NWD2: variants seen among roughly 807,000 people sequenced by gnomAD.
The protein encoded by NWD2 is NACHT and WD repeat domain containing 2.
A neutral mutation model predicts 132.7 loss-of-function variants in NWD2; 37 were observed. That is an observed-to-expected ratio of 0.28 (90% CI 0.21 to 0.37). The LOEUF (loss-of-function observed/expected upper bound fraction) is 0.37, where lower values mean the gene tolerates loss of function less well. NWD2 is among the 10% of genes least tolerant of loss of function. The probability of loss-of-function intolerance (pLI) is 1.00; values close to 1 mark genes in which losing one functional copy is unlikely to be tolerated. For synonymous variants in NWD2, 705 were observed against 803.0 expected (o/e 0.88, Z 2.06); for missense variants, 1,592 against 2,122.4 (o/e 0.75, Z 4.91).
At chr4:37,258,738 A>G (rs545718127) in intron 1 of NWD2, among the ~76,000 whole-genome samples, 2 of 152,290 alleles carry the variant, frequency 1.3e-5, no homozygotes, top group South Asian at 4.2e-4. Context: ...AGAAGAGGAA[A>G]TATGGGGCTC....
At chr4:37,357,372 G>A (rs746482543) in intron 3 of NWD2, among the ~76,000 whole-genome samples, 2 of 152,124 alleles carry the variant, frequency 1.3e-5, no homozygotes, top group Admixed American at 6.5e-5. Context: ...ATTTGGCTCC[G>A]CATAGGATTA....
chr4:37,306,109 A>AT (rs1204582402), intron 1 of NWD2, among the ~76,000 whole-genome samples: 1 of 151,630 alleles, frequency 6.6e-6, no homozygotes. Flanking sequence ...TTTTTTGTAG[A>AT]TTTTCCATTT....
intron 3 of NWD2, among the ~76,000 whole-genome samples, chr4:37,397,024 A>ACT (rs1720804668): frequency 1.3e-5 from 1 of 77,806 alleles, no homozygotes; most frequent in Non-Finnish European, 3.0e-5. Context: ...CAAGAGTGAA[A>ACT]CTCTGTTGCA....
chr4:37,335,017 C>G (rs1251302260), intron 2 of NWD2, among the ~76,000 whole-genome samples: 1 of 152,036 alleles, frequency 6.6e-6, no homozygotes, highest in African/African-American at 2.4e-5. Flanking sequence ...CTCCCTAATA[C>G]CAAACTCTTA....
intron 3 of NWD2, among the ~76,000 whole-genome samples, chr4:37,419,814 G>A (rs930464114): frequency 6.6e-6 from 1 of 152,144 alleles, no homozygotes; most frequent in African/African-American, 2.4e-5. Flanking sequence ...ATTAACACTG[G>A]TAAATCAAAC....
At position 37,444,983 on chromosome 4, in the gene NWD2, C is replaced by G. The variant is rs1050006245; in HGVS notation, c.2995C>G (p.Arg999Gly). The G allele has an allele frequency of 2.6e-6, 4 of 1,551,860 alleles. No individual in the cohort carries two copies. The African/African-American group carries it at 5.5e-5, about 21-fold the overall frequency. The change falls in exon 7 of 7, where the codon CGA becomes GGA. Residue 999 changes from arginine to glycine, a missense_variant. Arg to Gly is a moderately radical substitution (Grantham distance 125). Around this residue, in one of 7 missense-constraint regions of NWD2, gnomAD observed 1,071 missense variants for 1,398.0 expected, o/e 0.77. Coordinates refer to ENST00000309447, the MANE Select transcript of NWD2 (RefSeq NM_001144990.2). The surrounding 1 kb of genome is among the most constrained non-coding windows in gnomAD (Gnocchi z 4.8). ...GSISTWDVET[R>G]QLLRQITTAQ... ...CATCAGCACCTGGGATGTAGAGACT[C>G]GACAGCTACTCAGGCAAATCACCAC...
At chr4:37,432,717 A>T (rs1043462223) in intron 4 of NWD2, among the ~76,000 whole-genome samples, 5 of 152,156 alleles carry the variant, frequency 3.3e-5, no homozygotes, top group Non-Finnish European at 7.4e-5. Flanking sequence ...TAAACAGTTC[A>T]TTTATATTCA....
At chr4:37,335,062 G>A (rs1719372400) in intron 2 of NWD2, among the ~76,000 whole-genome samples, 1 of 151,958 alleles carries the variant, frequency 6.6e-6, no homozygotes, top group Non-Finnish European at 1.5e-5. Context: ...CCTCCACAAT[G>A]TTGCTACGGT....
chr4:37,405,871 C>T (rs1720993608), intron 3 of NWD2, among the ~76,000 whole-genome samples: 1 of 152,164 alleles, frequency 6.6e-6, no homozygotes, highest in South Asian at 2.1e-4. Flanking sequence ...TTTAGATATA[C>T]TTAACAGATC....
At chr4:37,258,403 AG>A (rs1401723059) in intron 1 of NWD2, among the ~76,000 whole-genome samples, 2 of 152,180 alleles carry the variant, frequency 1.3e-5, no homozygotes, top group African/African-American at 4.8e-5. Flanking sequence ...TTGGAGTTGG[AG>A]GTGGTTGCAG....
intron 3 of NWD2, among the ~76,000 whole-genome samples, chr4:37,414,871 G>A (rs1711539725): frequency 6.6e-6 from 1 of 152,164 alleles, no homozygotes; most frequent in Non-Finnish European, 1.5e-5. Flanking sequence ...TTAATCCACA[G>A]GGAAATCCAC....
intron 1 of NWD2, 125 bp downstream of exon 1, chr4:37,245,343 G>T: frequency 8.7e-7 from 1 of 1,144,512 alleles, no homozygotes; most frequent in Non-Finnish European, 1.2e-6. Context: ...TAAAGCCGTG[G>T]CCGCCCTGAG....
intron 3 of NWD2, among the ~76,000 whole-genome samples, chr4:37,397,579 C>T (rs1270948431): frequency 6.6e-6 from 1 of 152,142 alleles, no homozygotes; most frequent in Non-Finnish European, 1.5e-5. Context: ...CCTGCAGAGT[C>T]GGACTTGCCA....
chr4:37,404,174 C>T (rs1720950423), intron 3 of NWD2, among the ~76,000 whole-genome samples: 1 of 152,084 alleles, frequency 6.6e-6, no homozygotes, highest in Non-Finnish European at 1.5e-5. Flanking sequence ...TCCATTTTGC[C>T]ATATACTTGC....
At chr4:37,311,753 T>C (rs928321019) in intron 1 of NWD2, among the ~76,000 whole-genome samples, 22 of 149,098 alleles carry the variant, frequency 1.5e-4, no homozygotes, top group Middle Eastern at 3.4e-3. Context: ...AGGGTTTTTA[T>C]GGTTTTAGGT....
At chr4:37,421,082 C>G (rs982265839) in intron 3 of NWD2, among the ~76,000 whole-genome samples, 4 of 152,164 alleles carry the variant, frequency 2.6e-5, no homozygotes, top group African/African-American at 7.2e-5. Flanking sequence ...GCTGGAATTA[C>G]AGGTGCCCGC....
intron 1 of NWD2, among the ~76,000 whole-genome samples, chr4:37,295,797 G>A (rs1718478430): frequency 1.3e-5 from 2 of 152,140 alleles, no homozygotes; most frequent in African/African-American, 4.8e-5. Flanking sequence ...CTTATCCAAT[G>A]ACTGTAATTC....
At chr4:37,398,558 C>A (rs1720846654) in intron 3 of NWD2, among the ~76,000 whole-genome samples, 3 of 152,146 alleles carry the variant, frequency 2.0e-5, no homozygotes, top group Admixed American at 2.0e-4. Context: ...TGTCACCCAA[C>A]CAATATGGCA....
chr4:37,292,534 A>G (rs1393951210), intron 1 of NWD2, among the ~76,000 whole-genome samples: 2 of 152,092 alleles, frequency 1.3e-5, no homozygotes, highest in Non-Finnish European at 2.9e-5. Flanking sequence ...CCCCACCATA[A>G]GATATTGTGT....
Sources: gnomAD v4.1 joint callset for allele counts (sites outside exome capture counted in the v4.1 genomes callset) on GRCh38, gnomAD v4.1.1 for gene constraint, gnomAD v4.1.1 regional missense constraint, Gnocchi (gnomAD v3.1) non-coding constraint, MANE v1.5 for transcripts, NCBI Gene and HGNC (gene_info 2026-07-23, HGNC 2026-07-21) for gene names.